Variants in CCNC observed in about 807,000 individuals in gnomAD.
CCNC encodes cyclin-C.
A neutral mutation model predicts 50.0 loss-of-function variants in CCNC; 19 were observed. The ratio of observed to expected loss-of-function variants is 0.38; its 90% CI spans 0.27 to 0.56. CCNC has a LOEUF of 0.56. Among genes scored for constraint, CCNC ranks in the 20% least tolerant of loss-of-function variants. The probability of loss-of-function intolerance (pLI) is 0.72; values close to 1 mark genes in which losing one functional copy is unlikely to be tolerated. For synonymous variants in CCNC, 93 were observed against 103.7 expected (o/e 0.90, Z 0.63); for missense variants, 200 against 327.1 (o/e 0.61, Z 3.00).
chr6:99,551,114 TA>T (rs1261300299), intron 6 of CCNC, 86 bp from the exon 7 acceptor site: 1 of 651,070 alleles, frequency 1.5e-6, no homozygotes, highest in Non-Finnish European at 2.2e-6. Flanking sequence ...TTACAGACAT[TA>T]TAGTAATTTA....
At chr6:99,550,500 G>GCT (rs1562489056) in intron 7 of CCNC, 191 bp from the exon 8 acceptor site, 2 of 523,796 alleles carry the variant, frequency 3.8e-6, no homozygotes, top group Non-Finnish European at 6.7e-6. Flanking sequence ...TGAAGGCAGT[G>GCT]CTCTCTCTGG....
chr6:99,557,788 C>CAAAAAA (rs61523844), intron 5 of CCNC: 3 of 86,666 alleles, frequency 3.5e-5, no homozygotes, highest in Admixed American at 1.4e-4. Flanking sequence ...GACTCTGTCT[C>CAAAAAA]AAAAAAAAAA....
chr6:99,543,815 CCCT>C (rs1192730020), intron 11 of CCNC: 14 of 1,381,580 alleles, frequency 1.0e-5, no homozygotes, highest in Non-Finnish European at 1.3e-5. Flanking sequence ...TAACTTTGTG[CCCT>C]CACATATAAC....
At chr6:99,551,778 A>G in intron 6 of CCNC, 62 bp downstream of exon 6, 2 of 1,056,486 alleles carry the variant, frequency 1.9e-6, no homozygotes, top group Non-Finnish European at 2.6e-6. Flanking sequence ...TTAGTCTAAT[A>G]TAAAATAGAG....
At chr6:99,549,741 C>T in intron 8 of CCNC, 166 bp from the exon 9 acceptor site, 1 of 491,878 alleles carries the variant, frequency 2.0e-6, no homozygotes, top group East Asian at 2.9e-5. Flanking sequence ...AGGATGGATA[C>T]ATGAATGTGA....
intron 2 of CCNC, 49 bp downstream of exon 2, chr6:99,562,793 T>A (rs746135198): frequency 1.9e-6 from 2 of 1,038,512 alleles, no homozygotes; most frequent in South Asian, 2.9e-5. Flanking sequence ...ACATTTTTAT[T>A]CAGAGGTAAC....
At chr6:99,548,069 C>G (rs566696469) in intron 9 of CCNC, among the ~76,000 whole-genome samples, 2 of 152,232 alleles carry the variant, frequency 1.3e-5, no homozygotes, top group Admixed American at 6.5e-5. Context: ...CAATCCTCAT[C>G]ATGAGTCTGA....
upstream of CCNC, chr6:99,568,814 G>A: frequency 1.2e-6 from 1 of 847,604 alleles, no homozygotes; most frequent in Non-Finnish European, 1.6e-6. Flanking sequence ...AGATTGAAGA[G>A]AACTAGTGTT....
intron 7 of CCNC, chr6:99,550,538 TC>T (rs1351463485): frequency 2.3e-6 from 1 of 435,074 alleles, no homozygotes; most frequent in East Asian, 3.7e-5. Context: ...CGGTTGGCAG[TC>T]AGTCAGCATC....
chr6:99,547,251 C>T (rs1457222093), intron 9 of CCNC, among the ~76,000 whole-genome samples: 1 of 152,084 alleles, frequency 6.6e-6, no homozygotes, highest in African/African-American at 2.4e-5. Flanking sequence ...AACTGACACA[C>T]TGGTTGCCCT....
intron 11 of CCNC, chr6:99,544,107 A>G: frequency 1.4e-6 from 2 of 1,421,352 alleles, no homozygotes; most frequent in South Asian, 3.0e-5. Context: ...GAAATATGGT[A>G]ATTTCCTGGA....
intron 9 of CCNC, among the ~76,000 whole-genome samples, chr6:99,549,088 A>G (rs989374825): frequency 2.6e-5 from 4 of 152,036 alleles, no homozygotes; most frequent in Non-Finnish European, 5.9e-5. Context: ...AATGTACTTA[A>G]CGTCTTCCTC....
intron 5 of CCNC, among the ~76,000 whole-genome samples, chr6:99,554,424 T>G (rs912121606): frequency 1.3e-5 from 2 of 152,206 alleles, no homozygotes; most frequent in African/African-American, 4.8e-5. Flanking sequence ...TTATGCTCCC[T>G]CTACTTGAGG....
In CCNC at chr6:99,544,131, TTAAAA is replaced by T. The variant is rs965996922; in HGVS notation, c.798-527_798-523del. On this transcript the variant is annotated intron_variant, in intron 11 of 11. Coordinates refer to ENST00000520429, the MANE Select transcript of CCNC (RefSeq NM_005190.4). ...TAATTTCCTGGAAAATGCTGAATAC[TTAAAA>T]TAAAAATGCTGAATACTTAAAAATA... 1.4e-5 allele frequency: 20 copies of T among 1,469,302 alleles called. No individual in the cohort carries two copies. The African/African-American group carries it at 2.1e-4, about 16-fold the overall frequency. The allele number at this position is 1,469,302 out of a possible 1,614,324, so 91.0% of individuals were successfully genotyped here.
At chr6:99,564,868 A>C (rs984570651) in intron 1 of CCNC, among the ~76,000 whole-genome samples, 1 of 152,158 alleles carries the variant, frequency 6.6e-6, no homozygotes, top group Non-Finnish European at 1.5e-5. Flanking sequence ...ATATTTTCTA[A>C]TACCCTTAAG....
upstream of CCNC, chr6:99,568,799 T>C: frequency 2.0e-6 from 2 of 1,015,436 alleles, no homozygotes; most frequent in Non-Finnish European, 2.6e-6. Context: ...CCCTTGGAGG[T>C]GCTGAGATTG....
chr6:99,548,899 TC>T (rs1802180667), intron 9 of CCNC, among the ~76,000 whole-genome samples: 2 of 151,930 alleles, frequency 1.3e-5, no homozygotes, highest in Non-Finnish European at 2.9e-5. Flanking sequence ...CTACAACCTA[TC>T]TCATTTAATT....
chr6:99,553,558 T>G (rs186013127), intron 5 of CCNC, among the ~76,000 whole-genome samples: 121 of 152,356 alleles, frequency 7.9e-4, no homozygotes, highest in Non-Finnish European at 1.6e-3. Context: ...TATCATCTAT[T>G]CAATTGATAA....
Position 99,545,183 on chromosome 6 carries a change from C to T in CCNC, c.726G>A (p.Lys242=). ...CCATCTCTTTTCTCTCATCGAAATT[C>T]TTCCACTGCTCATATAGTTTTAAAA... ...RVILKLYEQW[K]NFDERKEMAT... The change falls in exon 11 of 12, where the codon AAG becomes AAA. Residue 242 remains lysine, a synonymous_variant. Coordinates refer to ENST00000520429, the MANE Select transcript of CCNC (RefSeq NM_005190.4). The T allele has an allele frequency of 1.2e-6, 2 of 1,609,326 alleles. No individual in the cohort carries two copies. The highest frequency in any genetic ancestry group is 4.5e-5 in the East Asian group (2 of 44,744).
Sources: gnomAD v4.1 joint callset for allele counts (sites outside exome capture counted in the v4.1 genomes callset) on GRCh38, gnomAD v4.1.1 for gene constraint, MANE v1.5 for transcripts, NCBI Gene and HGNC (gene_info 2026-07-23, HGNC 2026-07-21) for gene names.